NOVA1: variants seen among roughly 807,000 people sequenced by gnomAD.
NOVA1 encodes NOVA alternative splicing regulator 1, also known as RNA-binding protein Nova-1.
In NOVA1, 7 loss-of-function variants were observed where a neutral mutation model predicts 38.0. The ratio of observed to expected loss-of-function variants is 0.18; its 90% CI spans 0.10 to 0.35. NOVA1 has a LOEUF of 0.35. Ranked by LOEUF, NOVA1 falls within the 10% of genes least tolerant of loss-of-function variation. The pLI is 1.00. For missense variants in NOVA1, 460 were observed against 616.0 expected (o/e 0.75, Z 2.68); for synonymous variants, 270 against 232.5 (o/e 1.16, Z -1.47).
intron 2 of NOVA1, among the ~76,000 whole-genome samples, chr14:26,482,014 A>AAAAAAAG: frequency 7.5e-6 from 1 of 134,044 alleles, no homozygotes. Context: ...AAAAAAAAAA[A>AAAAAAAG]CATGGCTCTA....
intron 2 of NOVA1, among the ~76,000 whole-genome samples, chr14:26,490,904 C>A (rs1339615786): frequency 7.3e-6 from 1 of 137,626 alleles, no homozygotes; most frequent in African/African-American, 2.8e-5. Flanking sequence ...GGCTGGAGTG[C>A]AGTGGCGCAA....
At chr14:26,466,264 T>A (rs1282847897) in intron 4 of NOVA1, among the ~76,000 whole-genome samples, 1 of 152,192 alleles carries the variant, frequency 6.6e-6, no homozygotes, top group Non-Finnish European at 1.5e-5. Context: ...ATAAGTTAAC[T>A]AAGGCCATTT....
intron 3 of NOVA1, among the ~76,000 whole-genome samples, chr14:26,476,565 C>T (rs1231663527): frequency 6.6e-6 from 1 of 152,136 alleles, no homozygotes. Context: ...CATCATTTCA[C>T]CTTCCTAAAA....
rs1200659148 is a variant in NOVA1 at position 26,597,662 on chromosome 14, A to G, written c.-226T>C. 1.7e-6 allele frequency: 2 copies of G among 1,196,842 alleles called. No homozygotes were observed. Among genetic ancestry groups the G allele is most frequent in the African/African-American group, 3.2e-5 (2 of 62,654 alleles). 74.1% of individuals were successfully genotyped at this position (1,196,842 alleles called of 1,614,324 possible). On this transcript the variant is annotated 5_prime_UTR_variant, in exon 1 of 5. Transcript: ENST00000539517. ...TGAGGAGCAGCTGCAGTGCAGTGTCAGAAAGGAGACAGGGGAATGGAGGGG... is the reference window on the plus strand; with the variant it reads ...TGAGGAGCAGCTGCAGTGCAGTGTCGGAAAGGAGACAGGGGAATGGAGGGG...
chr14:26,557,137 A>C (rs1022417275), intron 2 of NOVA1, among the ~76,000 whole-genome samples: 8 of 152,284 alleles, frequency 5.3e-5, no homozygotes, highest in African/African-American at 1.7e-4. Context: ...ACCTTCCCTT[A>C]ACTTGATTAC....
chr14:26,470,241 G>C, intron 4 of NOVA1: 4 of 1,157,342 alleles, frequency 3.5e-6, no homozygotes, highest in Non-Finnish European at 4.6e-6. Context: ...TATACTTCCA[G>C]ATATAAGTCA....
chr14:26,485,410 A>G (rs557413229), intron 2 of NOVA1, among the ~76,000 whole-genome samples: 2 of 152,324 alleles, frequency 1.3e-5, no homozygotes, highest in South Asian at 4.1e-4. Context: ...TTTATCATTT[A>G]AAAAGGGCAC....
chr14:26,474,690 A>T (rs1475554812), intron 3 of NOVA1, among the ~76,000 whole-genome samples: 1 of 152,008 alleles, frequency 6.6e-6, no homozygotes, highest in Non-Finnish European at 1.5e-5. Context: ...AAACATCATA[A>T]TCTGTTAAGA....
At chr14:26,571,562 G>A (rs1892474856) in intron 2 of NOVA1, among the ~76,000 whole-genome samples, 1 of 152,138 alleles carries the variant, frequency 6.6e-6, no homozygotes, top group Non-Finnish European at 1.5e-5. Context: ...CAAGAGCGAG[G>A]AGGCTCCAGC....
At chr14:26,546,538 T>C (rs1488150711) in intron 2 of NOVA1, among the ~76,000 whole-genome samples, 3 of 152,162 alleles carry the variant, frequency 2.0e-5, no homozygotes, top group African/African-American at 7.2e-5. Flanking sequence ...TTAAAATTAG[T>C]TTAAATTGAA....
intron 4 of NOVA1, among the ~76,000 whole-genome samples, chr14:26,464,252 T>G (rs1219909948): frequency 6.6e-6 from 1 of 152,204 alleles, no homozygotes; most frequent in Non-Finnish European, 1.5e-5. Context: ...AGCTGCAAAG[T>G]TCCTACTGCC....
chr14:26,560,157 C>T (rs2138678506), intron 2 of NOVA1, among the ~76,000 whole-genome samples: 1 of 152,084 alleles, frequency 6.6e-6, no homozygotes, highest in African/African-American at 2.4e-5. Flanking sequence ...CTGAAAGGTA[C>T]ATGAATTTTT....
rs1242898304 is a variant in NOVA1 at position 26,597,997 on chromosome 14, C to CTGG, written c.-564_-562dup. On this transcript the variant is annotated 5_prime_UTR_variant, in exon 1 of 5. Transcript: ENST00000539517. The stretch of plus-strand genomic sequence containing the variant: ...GCTAGCGTTGCGCTCGCTCCCGCTG[C>CTGG]TGGTGCTGCCGCCGCCGCCGCTGCC... Among the ~76,000 whole-genome samples, 1 of 151,432 alleles carries CTGG rather than the reference C, an allele frequency of 6.6e-6. No individual in the cohort carries two copies. The highest frequency in any genetic ancestry group is 1.5e-5 in the Non-Finnish European group (1 of 67,852).
chr14:26,595,560 A>T lies in NOVA1; in HGVS notation c.137-7T>A, dbSNP rs1353940995. The T allele has an allele frequency of 6.2e-7, 1 of 1,611,658 alleles. No homozygotes were observed. ...AGAAAATACTGGCCGTCTTCTGAAA[A>T]ATGCAAAGAAATATACTCGGTTAAC... On this transcript the variant is annotated splice_polypyrimidine_tract_variant and splice_region_variant and intron_variant, in intron 1 of 4. Transcript: ENST00000539517.
At chr14:26,483,593 C>T (rs541538132) in intron 2 of NOVA1, among the ~76,000 whole-genome samples, 1 of 152,070 alleles carries the variant, frequency 6.6e-6, no homozygotes, top group Non-Finnish European at 1.5e-5. Flanking sequence ...AGTATGAAAA[C>T]CAAACATTAT....
chr14:26,451,518 G>A (rs995437332), intron 4 of NOVA1, among the ~76,000 whole-genome samples: 2 of 151,920 alleles, frequency 1.3e-5, no homozygotes, highest in Admixed American at 6.6e-5. Flanking sequence ...CAAGGCATGC[G>A]CCACCATGCC....
chr14:26,579,206 C>T (rs866704296), intron 2 of NOVA1, among the ~76,000 whole-genome samples: 4 of 151,684 alleles, frequency 2.6e-5, no homozygotes, highest in Non-Finnish European at 5.9e-5. Context: ...TACAGGCGCG[C>T]GCCATCAAGC....
At chr14:26,451,094 G>A (rs1302456953) in intron 4 of NOVA1, among the ~76,000 whole-genome samples, 1 of 152,044 alleles carries the variant, frequency 6.6e-6, no homozygotes, top group Non-Finnish European at 1.5e-5. Flanking sequence ...ATAATTATAG[G>A]CTGTTAATAA....
At chr14:26,563,550 G>C (rs1891955038) in intron 2 of NOVA1, among the ~76,000 whole-genome samples, 1 of 150,778 alleles carries the variant, frequency 6.6e-6, no homozygotes, top group African/African-American at 2.5e-5. Context: ...CAGTGATACA[G>C]AATAGTAAAA....
Sources: gnomAD v4.1 joint callset for allele counts (sites outside exome capture counted in the v4.1 genomes callset) on GRCh38, gnomAD v4.1.1 for gene constraint, MANE v1.5 for transcripts, NCBI Gene and HGNC (gene_info 2026-07-23, HGNC 2026-07-21) for gene names.